PCDH15: variants seen among roughly 807,000 people sequenced by gnomAD.
PCDH15 encodes protocadherin related 15, also known as protocadherin-15.
PCDH15 carries 129 observed loss-of-function variants against 178.5 expected under a neutral mutation model. That is an observed-to-expected ratio of 0.72 (90% CI 0.63 to 0.84). The LOEUF (loss-of-function observed/expected upper bound fraction) is 0.84. Ranked by LOEUF, PCDH15 falls within the 40% of genes least tolerant of loss-of-function variation. The pLI is 0.00. For synonymous variants in PCDH15, 800 were observed against 732.0 expected, an observed-to-expected ratio of 1.09 and a Z score of -1.50; for missense variants, 2,230 against 2,099.9, an observed-to-expected ratio of 1.06 and a Z score of -1.21.
At chr10:54,315,299 C>G (rs1489489082) in intron 8 of PCDH15, among the ~76,000 whole-genome samples, 2 of 152,166 alleles carry the variant, frequency 1.3e-5, no homozygotes, top group Non-Finnish European at 1.5e-5. Flanking sequence ...TGACATTTAA[C>G]TGTTTTTCAT....
intron 2 of PCDH15, among the ~76,000 whole-genome samples, chr10:55,060,606 G>A (rs1167467446): frequency 6.6e-6 from 1 of 151,688 alleles, no homozygotes; most frequent in Non-Finnish European, 1.5e-5. Context: ...ATTTCATATA[G>A]GTGCCAGCAA....
chr10:54,715,552 C>T (rs764116845), intron 1 of PCDH15, among the ~76,000 whole-genome samples: 1 of 152,104 alleles, frequency 6.6e-6, no homozygotes. Context: ...CAAGCCACCC[C>T]CTGATGGCGT....
chr10:54,989,430 A>T (rs1044509863), intron 2 of PCDH15, among the ~76,000 whole-genome samples: 3 of 152,218 alleles, frequency 2.0e-5, no homozygotes, highest in African/African-American at 7.2e-5. Flanking sequence ...GAAAGCAGCC[A>T]GAAGGCAGGA....
intron 2 of PCDH15, among the ~76,000 whole-genome samples, chr10:55,061,717 C>A (rs1841437808): frequency 6.6e-6 from 1 of 152,090 alleles, no homozygotes; most frequent in Non-Finnish European, 1.5e-5. Context: ...TTACTCAGGG[C>A]ACTAAAATGA....
intron 2 of PCDH15, among the ~76,000 whole-genome samples, chr10:55,069,987 G>A (rs1591876767): frequency 6.6e-6 from 1 of 152,114 alleles, no homozygotes; most frequent in East Asian, 1.9e-4. Flanking sequence ...GTGTGAGATG[G>A]TATCTCATTG....
chr10:53,921,590 G>C (rs184826331), intron 25 of PCDH15, among the ~76,000 whole-genome samples: 28 of 152,228 alleles, frequency 1.8e-4, no homozygotes, highest in Non-Finnish European at 3.8e-4. Context: ...CTTCAGATGT[G>C]TGATCCTTGA....
At chr10:54,409,578 A>G (rs1274680059) in intron 3 of PCDH15, among the ~76,000 whole-genome samples, 1 of 152,102 alleles carries the variant, frequency 6.6e-6, no homozygotes, top group Non-Finnish European at 1.5e-5. Flanking sequence ...CCAAAATACT[A>G]TAGTGGTATT....
At chr10:55,117,387 C>A (rs1837653271) in intron 2 of PCDH15, among the ~76,000 whole-genome samples, 2 of 152,146 alleles carry the variant, frequency 1.3e-5, no homozygotes, top group Admixed American at 1.3e-4. Context: ...AAGCTATCAG[C>A]CTCTTTTGTC....
intron 15 of PCDH15, among the ~76,000 whole-genome samples, chr10:54,097,233 C>T (rs1454548762): frequency 5.3e-5 from 8 of 152,174 alleles, no homozygotes; most frequent in South Asian, 2.1e-4. Context: ...TACCTAATTT[C>T]GTGCAGAGTA....
intron 2 of PCDH15, among the ~76,000 whole-genome samples, chr10:55,341,139 A>T (rs371619773): frequency 6.6e-6 from 1 of 151,858 alleles, no homozygotes; most frequent in Non-Finnish European, 1.5e-5. Flanking sequence ...AAGATATAAT[A>T]CCCTTGGTAC....
At chr10:54,419,618 T>C (rs1305640202) in intron 3 of PCDH15, among the ~76,000 whole-genome samples, 1 of 152,108 alleles carries the variant, frequency 6.6e-6, no homozygotes, top group Non-Finnish European at 1.5e-5. Context: ...CTCAAGACAT[T>C]CCAGTTAGTA....
At chr10:54,481,788 T>C (rs893963729) in intron 3 of PCDH15, among the ~76,000 whole-genome samples, 9 of 152,000 alleles carry the variant, frequency 5.9e-5, no homozygotes, top group Admixed American at 2.6e-4. Flanking sequence ...TATTATCCTA[T>C]TTCTCTTTTA....
At chr10:55,104,726 A>T (rs915589072) in intron 2 of PCDH15, among the ~76,000 whole-genome samples, 1 of 152,098 alleles carries the variant, frequency 6.6e-6, no homozygotes, top group African/African-American at 2.4e-5. Flanking sequence ...AAGCTATTCA[A>T]TTTTTTCTTA....
chr10:53,876,178 GT>G (rs11342869), intron 26 of PCDH15, among the ~76,000 whole-genome samples: 17,090 of 134,082 alleles, frequency 0.13, 2,494 homozygotes, highest in African/African-American at 0.34. Flanking sequence ...CTTGAGTCTT[GT>G]TTTTTTTTTT....
At chr10:54,993,548 T>C (rs925816485) in intron 2 of PCDH15, among the ~76,000 whole-genome samples, 1 of 152,132 alleles carries the variant, frequency 6.6e-6, no homozygotes. Context: ...AGGTATCTTG[T>C]ATTTAACAAA....
At chr10:54,762,369 A>G (rs1476576807) in intron 1 of PCDH15, among the ~76,000 whole-genome samples, 1 of 152,174 alleles carries the variant, frequency 6.6e-6, no homozygotes, top group Non-Finnish European at 1.5e-5. Flanking sequence ...AGGAAAACAC[A>G]GTCTTTTGAA....
At chr10:55,169,677 T>A (rs1839280056) in intron 1 of PCDH15, among the ~76,000 whole-genome samples, 1 of 152,160 alleles carries the variant, frequency 6.6e-6, no homozygotes, top group African/African-American at 2.4e-5. Flanking sequence ...TTGATACAAA[T>A]ATGAAACTAC....
chr10:54,822,542 AAAC>A (rs1158829099), intron 3 of PCDH15, among the ~76,000 whole-genome samples: 1 of 152,168 alleles, frequency 6.6e-6, no homozygotes, highest in Non-Finnish European at 1.5e-5. Flanking sequence ...CTTTTGATGA[AAAC>A]TTAGGTTGAC....
chr10:54,658,596 G>C (rs2135351080), intron 2 of PCDH15, among the ~76,000 whole-genome samples: 1 of 152,222 alleles, frequency 6.6e-6, no homozygotes, highest in South Asian at 2.1e-4. Context: ...AGTGGTAAGG[G>C]AAATTTTCAC....
Sources: gnomAD v4.1 joint callset for allele counts (sites outside exome capture counted in the v4.1 genomes callset) on GRCh38, gnomAD v4.1.1 for gene constraint, MANE v1.5 for transcripts, NCBI Gene and HGNC (gene_info 2026-07-23, HGNC 2026-07-21) for gene names.